Variants in LDLRAD4 observed in about 807,000 individuals in gnomAD.
The protein encoded by LDLRAD4 is low-density lipoprotein receptor class A domain-containing protein 4.
LDLRAD4 carries 5 observed loss-of-function variants against 17.0 expected under a neutral mutation model. The ratio of observed to expected loss-of-function variants is 0.29; its 90% confidence interval spans 0.15 to 0.62. LDLRAD4 has a LOEUF of 0.62. Ranked by LOEUF, LDLRAD4 falls within the 20% of genes least tolerant of loss-of-function variation. LDLRAD4 has a pLI of 0.84. For synonymous variants in LDLRAD4, 168 were observed against 171.8 expected, an observed-to-expected ratio of 0.98 and a Z score of 0.17; for missense variants, 340 against 424.7, an observed-to-expected ratio of 0.80 and a Z score of 1.75.
At chr18:13,281,407 C>G (rs1188259994) in intron 1 of LDLRAD4, among the ~76,000 whole-genome samples, 2 of 152,120 alleles carry the variant, frequency 1.3e-5, no homozygotes, top group Non-Finnish European at 2.9e-5. Context: ...CCCTCCACCC[C>G]CCTCAAAACA....
chr18:13,451,968 C>G (rs1025753007), intron 3 of LDLRAD4, among the ~76,000 whole-genome samples: 18 of 152,174 alleles, frequency 1.2e-4, no homozygotes, highest in Non-Finnish European at 2.6e-4. Context: ...GGACAGTTCT[C>G]CTTCCACTAG....
chr18:13,590,883 TCAGATGGAATGGAGGAAG>T (rs1201900995), intron 3 of LDLRAD4, among the ~76,000 whole-genome samples: 1 of 152,194 alleles, frequency 6.6e-6, no homozygotes, highest in Non-Finnish European at 1.5e-5. Context: ...CTCATTATCA[TCAGATGGAATGGAGGAAG>T]CAGTGGCATG....
intron 3 of LDLRAD4, chr18:13,615,041 T>TC (rs2039949734): frequency 6.6e-6 from 1 of 152,350 alleles, no homozygotes; most frequent in Non-Finnish European, 1.5e-5. Flanking sequence ...GGCTCTGCGG[T>TC]CAGCCAGCCC....
At chr18:13,217,724 C>T (rs1402905024), upstream of LDLRAD4, 1 of 151,280 alleles carries the variant, frequency 6.6e-6, no homozygotes, top group Admixed American at 6.6e-5. This position sits in a 1 kb window ranked among gnomAD's most constrained non-coding sequence, Gnocchi z 4.9. Flanking sequence ...AGCGCCGCGT[C>T]CCCTCTCTCC....
intron 3 of LDLRAD4, among the ~76,000 whole-genome samples, chr18:13,459,423 G>T (rs969720757): frequency 6.7e-6 from 1 of 149,586 alleles, no homozygotes; most frequent in Non-Finnish European, 1.5e-5. Flanking sequence ...TTACTCTGTC[G>T]CCCAGGCTGG....
intron 3 of LDLRAD4, among the ~76,000 whole-genome samples, chr18:13,581,476 T>A (rs1306543430): frequency 6.6e-6 from 1 of 152,220 alleles, no homozygotes; most frequent in African/African-American, 2.4e-5. Flanking sequence ...ATCTCCTAAG[T>A]TCTTTGGAGC....
rs111491355 is a variant in LDLRAD4, at chr18:13,640,170, G to A, written c.337-3189G>A. Among the ~76,000 whole-genome samples the A allele has an allele frequency of 4.9e-3, 736 of 151,580 alleles. 8 individuals carry two copies. The highest frequency in any genetic ancestry group is 0.016 in the African/African-American group (680 of 41,298). On this transcript the variant is annotated intron_variant, in intron 4 of 5. Transcript: ENST00000359446. ...TAGCTGGGTGTGGTGGCGGGCGCCT[G>A]TAGTCCCATCTACTCGGTAGGCTGA...
chr18:13,281,673 T>C (rs1277228582), intron 1 of LDLRAD4, among the ~76,000 whole-genome samples: 2 of 151,950 alleles, frequency 1.3e-5, no homozygotes, highest in East Asian at 1.9e-4. Context: ...GGATCCCAGG[T>C]TTGGGGGTTC....
chr18:13,439,434 A>G (rs61061253), intron 3 of LDLRAD4, among the ~76,000 whole-genome samples: 2,735 of 152,282 alleles, frequency 0.018, 84 homozygotes, highest in African/African-American at 0.063. Context: ...TATAGTACAA[A>G]TAGTTTTTCT....
At position 13,409,037 on chromosome 18, in the gene LDLRAD4, G is replaced by C. The variant is rs1034333192; in HGVS notation, c.40+21275G>C. Among the ~76,000 whole-genome samples, 5 of 152,334 alleles carry C rather than the reference G, an allele frequency of 3.3e-5. 1 individual carries two copies. The highest frequency in any genetic ancestry group is 6.8e-3 in the Middle Eastern group (2 of 294). Reference sequence around the variant, plus strand: ...ATCTTACTGAGACTTCAGAGGAGCTGTGTGATCCTGCCTTTGTGTCACAGC... The same window carrying C: ...ATCTTACTGAGACTTCAGAGGAGCTCTGTGATCCTGCCTTTGTGTCACAGC... On this transcript the variant is annotated intron_variant, in intron 2 of 5. Transcript: ENST00000359446.
intron 3 of LDLRAD4, among the ~76,000 whole-genome samples, chr18:13,481,577 T>C (rs919527974): frequency 1.3e-5 from 2 of 152,170 alleles, no homozygotes. Context: ...TCACTGTTCC[T>C]GTCCCCCAGT....
chr18:13,225,195 C>T (rs762362106), intron 1 of LDLRAD4, among the ~76,000 whole-genome samples: 1 of 152,202 alleles, frequency 6.6e-6, no homozygotes, highest in Non-Finnish European at 1.5e-5. Context: ...TTGACGTGTA[C>T]GTCCTATGAA....
chr18:13,418,630 C>T (rs1433693591), intron 2 of LDLRAD4, among the ~76,000 whole-genome samples: 1 of 152,208 alleles, frequency 6.6e-6, no homozygotes, highest in Non-Finnish European at 1.5e-5. Flanking sequence ...TGTTGTGACA[C>T]ATAAACCATT....
At chr18:13,328,701 T>A (rs891242016) in intron 1 of LDLRAD4, among the ~76,000 whole-genome samples, 1 of 152,244 alleles carries the variant, frequency 6.6e-6, no homozygotes, top group African/African-American at 2.4e-5. Context: ...TGTTCATTTA[T>A]ACCTTTAATT....
intron 3 of LDLRAD4, among the ~76,000 whole-genome samples, chr18:13,454,710 A>G (rs2092029788): frequency 6.6e-6 from 1 of 152,192 alleles, no homozygotes; most frequent in South Asian, 2.1e-4. Context: ...AGGTCTGGGC[A>G]CAGGCACAGA....
intron 1 of LDLRAD4, among the ~76,000 whole-genome samples, chr18:13,318,399 C>T (rs1437209107): frequency 2.0e-5 from 3 of 152,012 alleles, no homozygotes; most frequent in Non-Finnish European, 2.9e-5. Context: ...GTAGCTGGGA[C>T]TACAGGTGCA....
chr18:13,459,039 TGTG>T (rs1396870650), intron 3 of LDLRAD4, among the ~76,000 whole-genome samples: 2 of 151,934 alleles, frequency 1.3e-5, no homozygotes, highest in Non-Finnish European at 2.9e-5. Flanking sequence ...TAAGGCCAGG[TGTG>T]GTGGCTCACG....
At chr18:13,340,569 T>C (rs11877708) in intron 1 of LDLRAD4, among the ~76,000 whole-genome samples, 9,998 of 152,188 alleles carry the variant, frequency 0.066, 866 homozygotes, top group African/African-American at 0.2. Flanking sequence ...CCTTTGCTGG[T>C]ATTTTATTTG....
chr18:13,612,701 G>T, intron 3 of LDLRAD4: 1 of 1,613,884 alleles, frequency 6.2e-7, no homozygotes, highest in Non-Finnish European at 8.5e-7. Context: ...CAGAGGACCT[G>T]ATTATGTCCA....
Sources: gnomAD v4.1 joint callset for allele counts (sites outside exome capture counted in the v4.1 genomes callset) on GRCh38, gnomAD v4.1.1 for gene constraint, Gnocchi (gnomAD v3.1) non-coding constraint, MANE v1.5 for transcripts, NCBI Gene and HGNC (gene_info 2026-07-23, HGNC 2026-07-21) for gene names.